UBE2W: variants seen among roughly 807,000 people sequenced by gnomAD.
The protein encoded by UBE2W is ubiquitin conjugating enzyme E2 W.
In UBE2W, 18 loss-of-function variants were observed where a neutral mutation model predicts 27.2. The observed-to-expected ratio is 0.66, with a 90% CI of 0.46 to 0.98. The LOEUF (loss-of-function observed/expected upper bound fraction) is 0.98, where lower values mean the gene tolerates loss of function less well. Ranked by LOEUF, UBE2W falls within the 50% of genes least tolerant of loss-of-function variation. UBE2W has a pLI of 0.00. For missense variants in UBE2W, 90 were observed against 180.2 expected (o/e 0.50, Z 2.87); for synonymous variants, 53 against 57.2 (o/e 0.93, Z 0.33).
In UBE2W at chr8:73,866,288, AAAATATATATATAT is replaced by A. The variant is rs1392736352; in HGVS notation, c.15+12506_15+12519del. ...TGGTCTAAAAAAAAAAAAAAAAAAA[AAAATATATATATAT>A]ATATATATATATATATACTCAGCAA... On this transcript the variant is annotated intron_variant, in intron 1 of 5. Transcript: ENST00000602593. Among the ~76,000 whole-genome samples, 491 of 80,300 alleles carry A rather than the reference AAAATATATATATAT, an allele frequency of 6.1e-3. 3 individuals are homozygous for A. The highest frequency in any genetic ancestry group is 0.024 in the African/African-American group (457 of 19,026). 52.7% of individuals were successfully genotyped at this position (80,300 alleles called of 152,430 possible).
chr8:73,857,457 AGTATGTAAG>A (rs1262839595), intron 1 of UBE2W, among the ~76,000 whole-genome samples: 3 of 21,030 alleles, frequency 1.4e-4, no homozygotes, highest in African/African-American at 1.9e-4. Flanking sequence ...AAAGATTGCA[AGTATGTAAG>A]AGTATGTAAG....
intron 1 of UBE2W, among the ~76,000 whole-genome samples, chr8:73,855,551 G>A (rs1437607867): frequency 6.6e-6 from 1 of 151,806 alleles, no homozygotes; most frequent in Non-Finnish European, 1.5e-5. Flanking sequence ...ACAGATGCAC[G>A]CCACCACACC....
intron 1 of UBE2W, among the ~76,000 whole-genome samples, chr8:73,842,158 A>C (rs1316216748): frequency 6.6e-6 from 1 of 152,170 alleles, no homozygotes; most frequent in Non-Finnish European, 1.5e-5. Context: ...ACTGTAAACA[A>C]AATCTAGAAA....
intron 1 of UBE2W, among the ~76,000 whole-genome samples, chr8:73,869,280 G>A (rs369168055): frequency 1.3e-5 from 2 of 152,150 alleles, no homozygotes; most frequent in South Asian, 2.1e-4. Flanking sequence ...TTTTAAGGCC[G>A]GGCACAGTGG....
At chr8:73,780,495 T>C (rs75549846) in exon 5 of UBE2W, 10,152 of 453,506 alleles carry the variant, frequency 0.022, 842 homozygotes, top group African/African-American at 0.18. Context: ...CCGTAATAGA[T>C]AGTATGAAGG....
intron 3 of UBE2W, among the ~76,000 whole-genome samples, chr8:73,813,122 A>T (rs1809238885): frequency 7.2e-6 from 1 of 139,686 alleles, no homozygotes; most frequent in East Asian, 2.3e-4. Flanking sequence ...ACAACTGCCA[A>T]ATTATCTTCT....
At chr8:73,839,587 G>A (rs1267705890) in intron 1 of UBE2W, among the ~76,000 whole-genome samples, 2 of 151,410 alleles carry the variant, frequency 1.3e-5, no homozygotes, top group African/African-American at 2.4e-5. Context: ...AACCCAGGAG[G>A]CAGAGTTTGC....
chr8:73,828,813 TTA>T (rs1809957145), intron 2 of UBE2W, among the ~76,000 whole-genome samples: 1 of 152,140 alleles, frequency 6.6e-6, no homozygotes. Flanking sequence ...GCACAATAAA[TTA>T]TTGTTGACTA....
intron 3 of UBE2W, among the ~76,000 whole-genome samples, chr8:73,823,331 G>C (rs183859396): frequency 9.8e-5 from 15 of 152,340 alleles, no homozygotes; most frequent in Admixed American, 9.8e-4. Context: ...ATTAAGGAAA[G>C]AGTTTAGAGA....
rs1306513905 is a variant in UBE2W, at chr8:73,817,520, T to C, written c.211-6891A>G. On this transcript the variant is annotated intron_variant, in intron 3 of 5. Transcript: ENST00000602593. ...TACTAAGCTTGAGGACTTCAGAGGT[T>C]TTTTTTGTTTTGTTTTGAGATGGAG... Among the ~76,000 whole-genome samples, 6 of 152,128 alleles carry C rather than the reference T, an allele frequency of 3.9e-5. No individual in the cohort carries two copies. The East Asian group carries it at 5.8e-4, about 15-fold the overall frequency.
At chr8:73,831,723 A>C (rs1489898020) in intron 1 of UBE2W, 1 of 151,200 alleles carries the variant, frequency 6.6e-6, no homozygotes, top group Non-Finnish European at 1.5e-5. Flanking sequence ...TAATTAAAAA[A>C]AAAAATTTTT....
chr8:73,847,244 T>C (rs529490034), intron 1 of UBE2W, among the ~76,000 whole-genome samples: 4 of 151,900 alleles, frequency 2.6e-5, no homozygotes, highest in East Asian at 1.9e-4. Flanking sequence ...TAATGGCTAA[T>C]AAAAACAGGA....
intron 1 of UBE2W, among the ~76,000 whole-genome samples, chr8:73,849,512 CAAAAAAAAAAAAAA>C (rs71269951): frequency 1.3e-4 from 3 of 22,770 alleles, no homozygotes; most frequent in South Asian, 9.1e-3. Flanking sequence ...AACTCCATCT[CAAAAAAAAAAAAAA>C]AAAAAAAAAA....
intron 1 of UBE2W, among the ~76,000 whole-genome samples, chr8:73,865,207 A>G (rs1436568378): frequency 6.9e-6 from 1 of 144,280 alleles, no homozygotes; most frequent in African/African-American, 2.6e-5. Context: ...AAAAAAAAAA[A>G]GCACTGCGAG....
At chr8:73,858,360 CAAA>C (rs10538314) in intron 1 of UBE2W, among the ~76,000 whole-genome samples, 6,563 of 90,482 alleles carry the variant, frequency 0.073, 409 homozygotes, top group African/African-American at 0.23. Context: ...GACTTCATCT[CAAA>C]AAAAAAAAAA....
At chr8:73,825,775 T>C (rs530671918) in intron 2 of UBE2W, among the ~76,000 whole-genome samples, 459 of 152,316 alleles carry the variant, frequency 3.0e-3, no homozygotes, top group African/African-American at 0.01. Context: ...CACTCCAGCC[T>C]GGGCTACAGG....
intron 1 of UBE2W, among the ~76,000 whole-genome samples, chr8:73,865,840 T>C (rs1460944720): frequency 6.6e-6 from 1 of 152,178 alleles, no homozygotes; most frequent in Admixed American, 6.5e-5. Context: ...AATCATAAAA[T>C]GCAGCAATAT....
chr8:73,831,973 T>C (rs937763893), intron 1 of UBE2W: 23 of 151,934 alleles, frequency 1.5e-4, no homozygotes, highest in African/African-American at 4.6e-4. Context: ...GGCAGATTTA[T>C]GAAGGAAAGA....
chr8:73,870,244 G>C (rs757485644), intron 1 of UBE2W: 2 of 1,580,596 alleles, frequency 1.3e-6, no homozygotes, highest in East Asian at 4.6e-5. Context: ...TTTTGAAGAG[G>C]ATTGGCAAAA....
Sources: gnomAD v4.1 joint callset for allele counts (sites outside exome capture counted in the v4.1 genomes callset) on GRCh38, gnomAD v4.1.1 for gene constraint, MANE v1.5 for transcripts, NCBI Gene and HGNC (gene_info 2026-07-23, HGNC 2026-07-21) for gene names.